The following RPS6KA2 variants were observed in gnomAD, a reference collection of about 807,000 sequenced individuals.
RPS6KA2 encodes ribosomal protein S6 kinase A2.
Under a neutral mutation model 91.8 loss-of-function variants are expected in RPS6KA2, and 42 were observed. The ratio of observed to expected loss-of-function variants is 0.46; its 90% CI spans 0.36 to 0.59. The LOEUF (loss-of-function observed/expected upper bound fraction) is 0.59. Ranked by LOEUF, RPS6KA2 falls within the 20% of genes least tolerant of loss-of-function variation. RPS6KA2 has a pLI of 0.00. For synonymous variants in RPS6KA2, 414 were observed against 393.6 expected, an observed-to-expected ratio of 1.05 and a Z score of -0.61; for missense variants, 798 against 978.5, an observed-to-expected ratio of 0.82 and a Z score of 2.46.
chr6:166,728,215 G>C (rs1182873061), intron 2 of RPS6KA2, among the ~76,000 whole-genome samples: 2 of 152,148 alleles, frequency 1.3e-5, no homozygotes, highest in Non-Finnish European at 2.9e-5. Context: ...GCTGTACTGG[G>C]GTGGGTGCTC....
Position 166,695,753 on chromosome 6 carries a change from G to C in RPS6KA2, c.124-156969C>G, listed in dbSNP as rs372967462. On this transcript the variant is annotated intron_variant, in intron 2 of 21. Coordinates refer to the RPS6KA2 transcript ENST00000503859. Reference sequence around the variant, plus strand: ...TCACAGGAGCACTGGATTCTCACAGGAGCACTGGATTCTCATAGGAGCACT... The same window carrying C: ...TCACAGGAGCACTGGATTCTCACAGCAGCACTGGATTCTCATAGGAGCACT... 4.0e-5 allele frequency among the ~76,000 whole-genome samples: 6 copies of C among 150,452 alleles called. No homozygotes were observed. The South Asian group carries it at 1.2e-3, about 31-fold the overall frequency.
chr6:166,619,217 C>T (rs1455655043), intron 1 of RPS6KA2, among the ~76,000 whole-genome samples: 3 of 152,200 alleles, frequency 2.0e-5, no homozygotes, highest in Non-Finnish European at 4.4e-5. Flanking sequence ...ACAGACCCAA[C>T]CTCATGCTGT....
intron 1 of RPS6KA2, among the ~76,000 whole-genome samples, chr6:166,546,482 CTT>C (rs35709035): frequency 0.037 from 5,299 of 144,320 alleles, 292 homozygotes; most frequent in African/African-American, 0.12. Flanking sequence ...ACTGGGAAAA[CTT>C]TTTTTTTTTT....
chr6:166,677,508 G>A (rs1222680083), intron 2 of RPS6KA2, among the ~76,000 whole-genome samples: 1 of 151,920 alleles, frequency 6.6e-6, no homozygotes, highest in Non-Finnish European at 1.5e-5. Context: ...CTACAGGCAT[G>A]CACCACCACT....
At chr6:166,860,096 C>T (rs181186756) in intron 1 of RPS6KA2, among the ~76,000 whole-genome samples, 3 of 150,862 alleles carry the variant, frequency 2.0e-5, no homozygotes, top group African/African-American at 4.8e-5. Flanking sequence ...GAAATTCAGA[C>T]TGTGAATTCC....
intron 2 of RPS6KA2, among the ~76,000 whole-genome samples, chr6:166,758,214 G>A (rs575689374): frequency 6.6e-6 from 1 of 152,264 alleles, no homozygotes; most frequent in East Asian, 1.9e-4. Context: ...GGTGGCGCTG[G>A]GTCAGTGAAT....
Position 166,666,078 on chromosome 6 carries a change from A to G in RPS6KA2, c.124-127294T>C, listed in dbSNP as rs1248561140. ...GAAATAGAAAAGTTATTGAAAGCCA[A>G]TCTTCTCCCAGCTGATTGATCCGCA... On this transcript the variant is annotated intron_variant, in intron 2 of 21. Transcript: ENST00000503859. The surrounding 1 kb of genome is among the most constrained non-coding windows in gnomAD (Gnocchi z 4.0). Among the ~76,000 whole-genome samples the G allele has an allele frequency of 1.3e-5, 2 of 152,234 alleles. No homozygotes were observed. Among genetic ancestry groups the G allele is most frequent in the African/African-American group, 4.8e-5 (2 of 41,452 alleles).
chr6:166,792,379 A>C (rs916418948), intron 2 of RPS6KA2, among the ~76,000 whole-genome samples: 2 of 152,012 alleles, frequency 1.3e-5, no homozygotes, highest in African/African-American at 4.8e-5. Context: ...ACCAACCAAA[A>C]AAAGTCCAGG....
At chr6:166,617,974 C>A (rs1786480410) in intron 1 of RPS6KA2, among the ~76,000 whole-genome samples, 1 of 152,210 alleles carries the variant, frequency 6.6e-6, no homozygotes, top group Non-Finnish European at 1.5e-5. Context: ...GGGGTCCAGG[C>A]TGATGACACC....
chr6:166,693,661 G>A (rs531404313), intron 2 of RPS6KA2, among the ~76,000 whole-genome samples: 30 of 152,190 alleles, frequency 2.0e-4, no homozygotes, highest in Middle Eastern at 3.4e-3. Flanking sequence ...CCCCTCCCCC[G>A]CAATTTAACA....
chr6:166,497,539 C>G (rs538628348), intron 8 of RPS6KA2, among the ~76,000 whole-genome samples: 1 of 152,370 alleles, frequency 6.6e-6, no homozygotes, highest in African/African-American at 2.4e-5. Flanking sequence ...TGGAACACAG[C>G]CAGGGCCTGT....
chr6:166,761,146 C>T (rs977498848), intron 2 of RPS6KA2, among the ~76,000 whole-genome samples: 5 of 152,170 alleles, frequency 3.3e-5, no homozygotes, highest in African/African-American at 1.2e-4. Flanking sequence ...TCACTGCAAC[C>T]TCCGCCTCCC....
intron 13 of RPS6KA2, among the ~76,000 whole-genome samples, chr6:166,450,303 C>G (rs914599902): frequency 6.2e-4 from 94 of 151,200 alleles, no homozygotes; most frequent in Admixed American, 6.2e-3. Flanking sequence ...CCACGGGGAC[C>G]ACCATAGGGA....
At chr6:166,670,318 C>T (rs1788436631) in intron 2 of RPS6KA2, among the ~76,000 whole-genome samples, 1 of 152,206 alleles carries the variant, frequency 6.6e-6, no homozygotes, top group Non-Finnish European at 1.5e-5. Flanking sequence ...GGAGTGATTC[C>T]CCAACGTCAT....
In RPS6KA2 at chr6:166,601,879, G is replaced by A. The variant is rs1785742877; in HGVS notation, c.99+25042C>T. Among the ~76,000 whole-genome samples the A allele has an allele frequency of 2.0e-5, 3 of 152,134 alleles. No homozygotes were observed. In the South Asian group the frequency reaches 6.2e-4, roughly 31 times the overall value. Reference sequence around the variant, plus strand: ...AGAAAGCATATAATGTAAAGAAAAGGATGAATCAATTCAGCTGCATAAAAA... The same window carrying A: ...AGAAAGCATATAATGTAAAGAAAAGAATGAATCAATTCAGCTGCATAAAAA... On this transcript the variant is annotated intron_variant, in intron 1 of 20. Coordinates refer to ENST00000265678, the MANE Select transcript of RPS6KA2 (RefSeq NM_021135.6).
chr6:166,608,871 C>T (rs967271608), intron 1 of RPS6KA2, among the ~76,000 whole-genome samples: 8 of 152,126 alleles, frequency 5.3e-5, no homozygotes, highest in African/African-American at 1.7e-4. Context: ...CAAATCCAAA[C>T]AACCGGCAAG....
intron 12 of RPS6KA2, among the ~76,000 whole-genome samples, chr6:166,453,685 C>T (rs1779992007): frequency 6.6e-6 from 1 of 152,226 alleles, no homozygotes; most frequent in African/African-American, 2.4e-5. Flanking sequence ...TTCGATGCAG[C>T]AATCCCACTG....
chr6:166,752,632 C>T (rs975176662), intron 2 of RPS6KA2, among the ~76,000 whole-genome samples: 1 of 152,140 alleles, frequency 6.6e-6, no homozygotes, highest in Non-Finnish European at 1.5e-5. Flanking sequence ...AGATCATTTA[C>T]TCAAACCCTT....
chr6:166,728,104 T>G (rs1184782553), intron 2 of RPS6KA2, among the ~76,000 whole-genome samples: 1 of 152,192 alleles, frequency 6.6e-6, no homozygotes, highest in African/African-American at 2.4e-5. Flanking sequence ...CAGAAGGATG[T>G]GCTTAGGCCA....
Sources: allele counts gnomAD v4.1 joint callset (sites outside exome capture counted in the v4.1 genomes callset), GRCh38; gene constraint gnomAD v4.1.1; non-coding constraint Gnocchi (gnomAD v3.1); transcripts MANE v1.5; gene names NCBI Gene and HGNC (gene_info 2026-07-23, HGNC 2026-07-21).